MME: variants seen among roughly 807,000 people sequenced by gnomAD.
The protein encoded by MME is neprilysin.
Under a neutral mutation model 113.2 loss-of-function variants are expected in MME, and 98 were observed. That is an observed-to-expected ratio of 0.87 (90% CI 0.74 to 1.02). The LOEUF (loss-of-function observed/expected upper bound fraction) is 1.02. MME is among the 50% of genes least tolerant of loss of function. The pLI, the probability that MME is intolerant of heterozygous loss-of-function variation, is 0.00. For missense variants in MME, 836 were observed against 896.0 expected (o/e 0.93, Z 0.86); for synonymous variants, 292 against 300.6 (o/e 0.97, Z 0.30).
At chr3:155,101,101 C>G (rs1349410361) in intron 3 of MME, among the ~76,000 whole-genome samples, 1 of 152,094 alleles carries the variant, frequency 6.6e-6, no homozygotes, top group Non-Finnish European at 1.5e-5. Flanking sequence ...CTCTCTTCCT[C>G]CCGTTCTTGC....
At chr3:155,140,169 T>C in intron 9 of MME, 22 bp from the exon 10 acceptor site, 1 of 1,524,862 alleles carries the variant, frequency 6.6e-7, no homozygotes, top group Non-Finnish European at 9.1e-7. Flanking sequence ...TCTAAAATAA[T>C]GATTAAAAAT....
chr3:155,134,937 T>C (rs1430995971), intron 8 of MME, among the ~76,000 whole-genome samples: 1 of 152,234 alleles, frequency 6.6e-6, no homozygotes. Context: ...TATGTTTTCT[T>C]TTGAGAAGTG....
chr3:155,162,069 T>A (rs766579239), intron 17 of MME, among the ~76,000 whole-genome samples: 2 of 152,180 alleles, frequency 1.3e-5, no homozygotes, highest in Non-Finnish European at 2.9e-5. Flanking sequence ...GCAAGGCAAC[T>A]TAGACTCCTT....
chr3:155,086,070 C>T (rs765178766), intron 3 of MME, among the ~76,000 whole-genome samples: 4 of 151,948 alleles, frequency 2.6e-5, no homozygotes, highest in East Asian at 1.9e-4. Flanking sequence ...GATGATTCTG[C>T]GAATGTGAGG....
At chr3:155,057,642 G>C (rs191052581) in intron 1 of MME, among the ~76,000 whole-genome samples, 1 of 151,952 alleles carries the variant, frequency 6.6e-6, no homozygotes, top group East Asian at 1.9e-4. Context: ...TATACTCTCA[G>C]AGTGTTTGGT....
intron 3 of MME, among the ~76,000 whole-genome samples, chr3:155,086,339 G>A (rs750300836): frequency 1.3e-5 from 2 of 152,206 alleles, no homozygotes; most frequent in Non-Finnish European, 2.9e-5. Context: ...GGATGTGGAT[G>A]TGTTTGGTCT....
chr3:155,125,395 G>C (rs1313204413), intron 8 of MME, among the ~76,000 whole-genome samples: 1 of 149,048 alleles, frequency 6.7e-6, no homozygotes, highest in Non-Finnish European at 1.5e-5. Context: ...GCTCACGCTG[G>C]GAGCTGTAGA....
chr3:155,063,223 T>C (rs1202280652), intron 1 of MME, among the ~76,000 whole-genome samples: 1 of 116,738 alleles, frequency 8.6e-6, no homozygotes, highest in East Asian at 2.3e-4. Context: ...AATATACATA[T>C]GTATATTATT....
In MME at chr3:155,129,989, TG is replaced by T. The variant is rs1283464866; in HGVS notation, c.721-8112del. 5.0e-5 allele frequency among the ~76,000 whole-genome samples: 4 copies of T among 80,700 alleles called. No homozygotes were observed. In the East Asian group the frequency reaches 2.4e-3, roughly 49 times the overall value. The allele number at this position is 80,700 out of a possible 152,430, so 52.9% of individuals were successfully genotyped here. A position where few individuals can be genotyped will look rare whatever the true frequency, so the allele number is the denominator to read the frequency against. On this transcript the variant is annotated intron_variant, in intron 8 of 22. Transcript: ENST00000360490. ...CCCACCTTCAGAAGAGTCTGAACTC[TG>T]TATTGGGGGTGAATTGGAATTGGTC...
At chr3:155,114,973 G>C (rs1718475085) in intron 3 of MME, 21 bp from the exon 4 acceptor site, 1 of 1,613,010 alleles carries the variant, frequency 6.2e-7, no homozygotes, top group Non-Finnish European at 8.5e-7. Context: ...ATTTTATCTA[G>C]TGTTTTCTCT....
At chr3:155,144,765 A>G (rs1486782805) in intron 14 of MME, among the ~76,000 whole-genome samples, 3 of 152,184 alleles carry the variant, frequency 2.0e-5, no homozygotes, top group African/African-American at 7.2e-5. Context: ...AAGCTTTTTT[A>G]TAACTATTCA....
At chr3:155,066,239 A>T (rs1238379258) in intron 1 of MME, among the ~76,000 whole-genome samples, 1 of 152,256 alleles carries the variant, frequency 6.6e-6, no homozygotes, top group Non-Finnish European at 1.5e-5. Context: ...AAAAATGTGT[A>T]TGAGCTTAGA....
intron 3 of MME, among the ~76,000 whole-genome samples, chr3:155,093,611 A>G (rs1208838122): frequency 1.3e-5 from 2 of 152,116 alleles, no homozygotes; most frequent in Non-Finnish European, 2.9e-5. Flanking sequence ...TAATCCCAGC[A>G]CTTTGGGAGG....
intron 8 of MME, among the ~76,000 whole-genome samples, chr3:155,135,131 A>G (rs771436639): frequency 6.6e-6 from 1 of 152,006 alleles, no homozygotes; most frequent in African/African-American, 2.4e-5. Context: ...GGCAGAAGCT[A>G]TTTAATTTAA....
chr3:155,136,214 G>A (rs74368479), intron 8 of MME, among the ~76,000 whole-genome samples: 2,725 of 152,154 alleles, frequency 0.018, 74 homozygotes, highest in African/African-American at 0.061. Flanking sequence ...CGTCTTTGTC[G>A]TGTTTCTGTT....
At chr3:155,127,520 A>G (rs1719785092) in intron 8 of MME, among the ~76,000 whole-genome samples, 1 of 152,216 alleles carries the variant, frequency 6.6e-6, no homozygotes, top group African/African-American at 2.4e-5. Context: ...AGGCAGGAAA[A>G]TGTAGTCTTG....
intron 1 of MME, among the ~76,000 whole-genome samples, chr3:155,068,228 A>G (rs968766727): frequency 6.6e-6 from 1 of 152,226 alleles, no homozygotes; most frequent in Non-Finnish European, 1.5e-5. Context: ...GCAAACTAGT[A>G]TACAAACGGT....
At chr3:155,116,392 ATGT>A in intron 4 of MME, 84 bp from the exon 5 acceptor site, 1 of 1,023,556 alleles carries the variant, frequency 9.8e-7, no homozygotes, top group Non-Finnish European at 1.5e-6. Context: ...CACTTTGCAA[ATGT>A]TAATTACTGC....
At chr3:155,077,038 G>A (rs1000525291), upstream of MME, among the ~76,000 whole-genome samples, 8 of 151,980 alleles carry the variant, frequency 5.3e-5, no homozygotes, top group South Asian at 2.1e-4. Context: ...CTACATCATC[G>A]TATGACTAAG....
Sources: allele counts gnomAD v4.1 joint callset (sites outside exome capture counted in the v4.1 genomes callset), GRCh38; gene constraint gnomAD v4.1.1; transcripts MANE v1.5; gene names NCBI Gene and HGNC (gene_info 2026-07-23, HGNC 2026-07-21).